The following ADIPOR1 variants were observed in gnomAD, a reference collection of about 807,000 sequenced individuals.
The protein encoded by ADIPOR1 is adiponectin receptor protein 1.
In ADIPOR1, 15 loss-of-function variants were observed where a neutral mutation model predicts 37.5. The observed-to-expected ratio is 0.40, with a 90% CI of 0.27 to 0.62. The LOEUF is 0.62. Among genes scored for constraint, ADIPOR1 ranks in the 20% least tolerant of loss-of-function variants. ADIPOR1 has a pLI of 0.42. For missense variants in ADIPOR1, 286 were observed against 478.0 expected, an observed-to-expected ratio of 0.60 and a Z score of 3.75; for synonymous variants, 173 against 173.2, an observed-to-expected ratio of 1.00 and a Z score of 0.01.
In ADIPOR1 at chr1:202,951,169, A is replaced by G; in HGVS notation, c.-94-5T>C. On this transcript the variant is annotated splice_region_variant and splice_polypyrimidine_tract_variant and intron_variant, in intron 1 of 7. Transcript: ENST00000340990. ...ATCTCCCTCTGATGGTAGACACTAA[A>G]AGAAAATACAAACATGAAGGATTGA... 1 of 1,386,556 alleles carries G rather than the reference A, an allele frequency of 7.2e-7. No homozygotes were observed. The highest frequency in any genetic ancestry group is 1.4e-5 in the African/African-American group (1 of 69,440). 85.9% of individuals were successfully genotyped at this position (1,386,556 alleles called of 1,614,324 possible).
At chr1:202,945,878 A>AG (rs1654290339) in intron 4 of ADIPOR1, among the ~76,000 whole-genome samples, 1 of 152,124 alleles carries the variant, frequency 6.6e-6, no homozygotes, top group African/African-American at 2.4e-5. Context: ...AGGGGGAGAT[A>AG]GGGGTGTGAG....
intron 1 of ADIPOR1, chr1:202,954,360 A>G (rs555244288): frequency 6.6e-6 from 1 of 152,370 alleles, no homozygotes; most frequent in Non-Finnish European, 1.5e-5. Flanking sequence ...ACGTCTGGCA[A>G]GAAAGAAGAG....
At chr1:202,944,901 G>A in intron 5 of ADIPOR1, 82 bp downstream of exon 5, 2 of 1,341,600 alleles carry the variant, frequency 1.5e-6, no homozygotes, top group African/African-American at 1.5e-5. Context: ...AGTGATATGA[G>A]CTCCTATCAC....
chr1:202,955,996 G>A (rs1654769267), intron 1 of ADIPOR1, among the ~76,000 whole-genome samples: 1 of 152,052 alleles, frequency 6.6e-6, no homozygotes, highest in African/African-American at 2.4e-5. Flanking sequence ...GGTTGGTCTC[G>A]AACTCCTGAC....
intron 6 of ADIPOR1, among the ~76,000 whole-genome samples, chr1:202,942,941 C>T (rs1654157605): frequency 6.6e-6 from 1 of 150,562 alleles, no homozygotes; most frequent in African/African-American, 2.4e-5. Flanking sequence ...TCTTGGCTCA[C>T]TACAACCTCT....
At chr1:202,948,645 C>T (rs931688944) in intron 2 of ADIPOR1, among the ~76,000 whole-genome samples, 4 of 152,088 alleles carry the variant, frequency 2.6e-5, no homozygotes, top group Non-Finnish European at 5.9e-5. Flanking sequence ...CTATGCAGTG[C>T]GTAAAAGAAG....
intron 1 of ADIPOR1, among the ~76,000 whole-genome samples, chr1:202,957,080 T>C (rs1654814278): frequency 6.6e-6 from 1 of 152,154 alleles, no homozygotes; most frequent in African/African-American, 2.4e-5. Context: ...ATACATTTAG[T>C]AGCTGCAAGC....
In ADIPOR1 at chr1:202,948,310, C is replaced by A. The variant is rs1341188029; in HGVS notation, c.252G>T (p.Val84=). ...HHAMEKMEEF[V]YKVWEGRWRV... ...AGAAGCTCATAGGCCATACCTTGTA[C>A]ACAAACTCTTCCATCTTCTCCATGG... Residue 84 remains valine (V), a synonymous_variant, in exon 3 of 8, where the codon GTG becomes GTT. Transcript: ENST00000340990. 1 of 1,608,230 alleles carries A rather than the reference C, an allele frequency of 6.2e-7. No individual in the cohort carries two copies. The highest frequency in any genetic ancestry group is 1.7e-5 in the Admixed American group (1 of 59,628).
chr1:202,942,285 T>C (rs1294152464), intron 6 of ADIPOR1, 67 bp from the exon 7 acceptor site: 5 of 1,435,220 alleles, frequency 3.5e-6, no homozygotes, highest in African/African-American at 2.9e-5. Flanking sequence ...ACTGCTGTCT[T>C]ACTCTGGAAT....
chr1:202,944,046 C>T (rs528315216), intron 5 of ADIPOR1, 101 bp from the exon 6 acceptor site: 1 of 1,101,818 alleles, frequency 9.1e-7, no homozygotes, highest in Non-Finnish European at 1.3e-6. Flanking sequence ...CCAGATTTAA[C>T]CATTCCCTCA....
rs1453391134 is a variant in ADIPOR1 at position 202,950,908 on chromosome 1, G to A, written c.141+22C>T. The A allele has an allele frequency of 3.1e-6, 5 of 1,613,898 alleles. No individual in the cohort carries two copies. In the East Asian group the frequency reaches 6.7e-5, roughly 22 times the overall value. ...AAGGAGAGAAACTGAACAAGGGGAT[G>A]ACTCCTGGGAAGATGACTTACTTTG... On this transcript the variant is annotated intron_variant, in intron 2 of 7. Transcript: ENST00000340990.
rs772204797 is a variant in ADIPOR1 at position 202,942,008 on chromosome 1, G to A, written c.999+17C>T. 60 of 1,601,886 alleles carry A rather than the reference G, an allele frequency of 3.7e-5. 2 individuals are homozygous for A. In the South Asian group the frequency reaches 5.6e-4, roughly 15 times the overall value. On this transcript the variant is annotated intron_variant, in intron 7 of 7. Coordinates refer to ENST00000340990, the MANE Select transcript of ADIPOR1 (RefSeq NM_015999.6). Reference sequence around the variant, plus strand: ...TCACTCACCATCACAGGACCTGCTGGAAGATTCATTTCTTACCCATATGTC... The same window carrying A: ...TCACTCACCATCACAGGACCTGCTGAAAGATTCATTTCTTACCCATATGTC...
Position 202,946,408 on chromosome 1 carries a change from A to G in ADIPOR1, c.430+31T>C, listed in dbSNP as rs7518457. The G allele has an allele frequency of 3.4e-3, 5,550 of 1,612,974 alleles. 173 individuals are homozygous for G. In the African/African-American group the frequency reaches 0.059, roughly 17 times the overall value. ...TCCCTTCGCAGTTAGGGAGACAACA[A>G]ATTCCACCTTTCCCCATCCAAATCA... On this transcript the variant is annotated intron_variant, in intron 4 of 7. Transcript: ENST00000340990.
rs761522938 is a variant in ADIPOR1 at position 202,946,423 on chromosome 1, C to T, written c.430+16G>A. Reference sequence around the variant, plus strand: ...GGAGACAACAAATTCCACCTTTCCCCATCCAAATCACTCACCAAGCAGATG... The same window carrying T: ...GGAGACAACAAATTCCACCTTTCCCTATCCAAATCACTCACCAAGCAGATG... On this transcript the variant is annotated intron_variant, in intron 4 of 7. Coordinates refer to ENST00000340990, the MANE Select transcript of ADIPOR1 (RefSeq NM_015999.6). 6.2e-7 allele frequency: 1 copy of T among 1,613,566 alleles called. No individual in the cohort carries two copies. The highest frequency in any genetic ancestry group is 8.5e-7 in the Non-Finnish European group (1 of 1,179,848).
chr1:202,941,190 G>A lies in ADIPOR1; in HGVS notation c.*383C>T, dbSNP rs10581. 4,723 of 157,408 alleles carry A rather than the reference G, an allele frequency of 0.03. 130 individuals are homozygous for A. Among genetic ancestry groups the A allele is most frequent in the South Asian group, 0.13 (642 of 5,028 alleles). The allele number at this position is 157,408 out of a possible 1,614,324, so 9.8% of individuals were successfully genotyped here. On this transcript the variant is annotated 3_prime_UTR_variant, in exon 8 of 8. Coordinates refer to ENST00000340990, the MANE Select transcript of ADIPOR1 (RefSeq NM_015999.6). Reference sequence around the variant, plus strand: ...TAAGCCAGGATACAAAGTTAAGGATGGGGGTAAGGGAGGGACATTTTCTTC... The same window carrying A: ...TAAGCCAGGATACAAAGTTAAGGATAGGGGTAAGGGAGGGACATTTTCTTC...
intron 1 of ADIPOR1, among the ~76,000 whole-genome samples, chr1:202,955,988 T>C (rs1464922670): frequency 2.0e-5 from 3 of 152,098 alleles, no homozygotes; most frequent in Non-Finnish European, 4.4e-5. Context: ...GTTGACCAGG[T>C]TGGTCTCGAA....
chr1:202,955,108 G>A (rs1162784592), intron 1 of ADIPOR1, among the ~76,000 whole-genome samples: 1 of 152,166 alleles, frequency 6.6e-6, no homozygotes, highest in African/African-American at 2.4e-5. Flanking sequence ...AAAGGCACAT[G>A]TTTGAAATCA....
At chr1:202,955,338 T>C (rs1654740650) in intron 1 of ADIPOR1, among the ~76,000 whole-genome samples, 1 of 151,946 alleles carries the variant, frequency 6.6e-6, no homozygotes, top group Admixed American at 6.6e-5. Flanking sequence ...CCTCCCACCT[T>C]AGCTTCCCAA....
chr1:202,958,194 G>T lies in ADIPOR1; in HGVS notation c.-104C>A, dbSNP rs1266332711. On this transcript the variant is annotated 5_prime_UTR_variant, in exon 1 of 8. The change creates a new upstream start codon in the 5' untranslated region. Transcript: ENST00000340990. ...CCCCTGGGAGACTTACAGCCGGGCA[G>T]GCGGGCTCTGCTGGGGGCCGCGGTC... is the stretch of plus-strand genomic sequence containing the variant. 6.6e-6 allele frequency: 1 copy of T among 152,022 alleles called. No homozygotes were observed. Among genetic ancestry groups the T allele is most frequent in the African/African-American group, 2.4e-5 (1 of 41,378 alleles). The allele number at this position is 152,022 out of a possible 1,614,324, so 9.4% of individuals were successfully genotyped here.
Sources: gnomAD v4.1 joint callset for allele counts (sites outside exome capture counted in the v4.1 genomes callset) on GRCh38, gnomAD v4.1.1 for gene constraint, MANE v1.5 for transcripts, NCBI Gene and HGNC (gene_info 2026-07-23, HGNC 2026-07-21) for gene names.